The following TNRC6A variants were observed in gnomAD, a reference collection of about 807,000 sequenced individuals.
The protein encoded by TNRC6A is trinucleotide repeat containing adaptor 6A.
A neutral mutation model predicts 221.2 loss-of-function variants in TNRC6A; 44 were observed. The observed-to-expected ratio is 0.20, with a 90% CI of 0.16 to 0.26. TNRC6A has a LOEUF of 0.26. Ranked by LOEUF, TNRC6A falls within the 10% of genes least tolerant of loss-of-function variation. The probability of loss-of-function intolerance (pLI) is 1.00; values close to 1 mark genes in which losing one functional copy is unlikely to be tolerated. For synonymous variants in TNRC6A, 847 were observed against 838.5 expected (o/e 1.01, Z -0.18); for missense variants, 2,199 against 2,404.4 (o/e 0.91, Z 1.79).
chr16:24,810,982 T>C (rs566517292), intron 18 of TNRC6A, among the ~76,000 whole-genome samples: 104 of 149,420 alleles, frequency 7.0e-4, no homozygotes, highest in African/African-American at 2.5e-3. Flanking sequence ...TCTCCAGCCC[T>C]CTCCAGACAG....
intron 2 of TNRC6A, among the ~76,000 whole-genome samples, chr16:24,679,328 G>A (rs1383287848): frequency 6.7e-6 from 1 of 149,980 alleles, no homozygotes; most frequent in East Asian, 2.0e-4. Flanking sequence ...TCTTGAGACA[G>A]GGTCTCTCTC....
chr16:24,652,313 T>G (rs146178846), intron 2 of TNRC6A, among the ~76,000 whole-genome samples: 1 of 152,200 alleles, frequency 6.6e-6, no homozygotes, highest in East Asian at 1.9e-4. Flanking sequence ...GCTAGATAAG[T>G]GTTATCCCAT....
At chr16:24,621,333 C>T (rs1040913298) in intron 1 of TNRC6A, among the ~76,000 whole-genome samples, 5 of 143,024 alleles carry the variant, frequency 3.5e-5, no homozygotes, top group African/African-American at 1.3e-4. Flanking sequence ...AATTCAGTTA[C>T]TAGAATATGG....
rs755455386 is a variant in TNRC6A, at chr16:24,796,007, CATTT to C, written c.3561+74_3561+77del. Reference sequence around the variant, plus strand: ...AAAATCTTTAGAAAGCAACTGCAAACATTTATTTAGCCTCTGCTGTGTGCCAGGT... The same window carrying C: ...AAAATCTTTAGAAAGCAACTGCAAACATTTAGCCTCTGCTGTGTGCCAGGT... On this transcript the variant is annotated intron_variant, in intron 9 of 24. Coordinates refer to ENST00000395799, the MANE Select transcript of TNRC6A (RefSeq NM_014494.4). 26 of 1,543,400 alleles carry C rather than the reference CATTT, an allele frequency of 1.7e-5. No homozygotes were observed. In the African/African-American group the frequency reaches 2.0e-4, roughly 12 times the overall value.
intron 2 of TNRC6A, among the ~76,000 whole-genome samples, chr16:24,722,104 A>G (rs1187974800): frequency 1.3e-5 from 2 of 152,158 alleles, no homozygotes; most frequent in Non-Finnish European, 2.9e-5. Context: ...GGGCATATTT[A>G]TTGGTCAAAA....
chr16:24,780,801 A>G (rs1317674600), intron 5 of TNRC6A, among the ~76,000 whole-genome samples: 2 of 151,900 alleles, frequency 1.3e-5, no homozygotes, highest in African/African-American at 4.8e-5. Flanking sequence ...ATAATGGTGA[A>G]TGACCAATAA....
At chr16:24,664,395 ATAT>A (rs2055100713) in intron 2 of TNRC6A, among the ~76,000 whole-genome samples, 1 of 146,698 alleles carries the variant, frequency 6.8e-6, no homozygotes, top group Non-Finnish European at 1.5e-5. Flanking sequence ...TAATAAATTC[ATAT>A]TATAAATTTA....
chr16:24,813,270 G>A (rs890381875), intron 18 of TNRC6A, among the ~76,000 whole-genome samples: 2 of 152,000 alleles, frequency 1.3e-5, no homozygotes, highest in Non-Finnish European at 2.9e-5. Flanking sequence ...GTGGAGATTG[G>A]GCTTCCAGTA....
chr16:24,749,967 C>T (rs2057099704), intron 2 of TNRC6A, among the ~76,000 whole-genome samples: 1 of 152,078 alleles, frequency 6.6e-6, no homozygotes, highest in African/African-American at 2.4e-5. Flanking sequence ...TGGTGAAACC[C>T]CGTCTGTACT....
chr16:24,675,188 T>C (rs1354258739), intron 2 of TNRC6A, among the ~76,000 whole-genome samples: 1 of 152,098 alleles, frequency 6.6e-6, no homozygotes, highest in Non-Finnish European at 1.5e-5. Context: ...TTTTATGTAA[T>C]TTTATAATCC....
At chr16:24,648,345 C>A (rs911424338) in intron 2 of TNRC6A, among the ~76,000 whole-genome samples, 3 of 142,354 alleles carry the variant, frequency 2.1e-5, no homozygotes, top group Non-Finnish European at 4.5e-5. Context: ...AATCTTGGCT[C>A]ACTGCAACCT....
At chr16:24,729,459 C>T (rs1192983225), upstream of TNRC6A, among the ~76,000 whole-genome samples, 1 of 151,696 alleles carries the variant, frequency 6.6e-6, no homozygotes, top group Non-Finnish European at 1.5e-5. Flanking sequence ...CTCGGGACTC[C>T]GCAGGCCCCC....
intron 4 of TNRC6A, among the ~76,000 whole-genome samples, chr16:24,759,949 C>CT: frequency 6.6e-6 from 1 of 152,234 alleles, no homozygotes; most frequent in African/African-American, 2.4e-5. Flanking sequence ...TCCTAAAACT[C>CT]TATTTTCCCC....
intron 2 of TNRC6A, chr16:24,664,742 A>T (rs1490830628): frequency 9.8e-6 from 3 of 305,370 alleles, no homozygotes; most frequent in Non-Finnish European, 2.1e-5. Flanking sequence ...ACTCTTGTGT[A>T]TAGGGTGCCT....
chr16:24,635,980 T>C (rs1178437233), intron 1 of TNRC6A, among the ~76,000 whole-genome samples: 1 of 152,234 alleles, frequency 6.6e-6, no homozygotes, highest in Non-Finnish European at 1.5e-5. Flanking sequence ...CCTTAATTCA[T>C]TACATATTTA....
upstream of TNRC6A, among the ~76,000 whole-genome samples, chr16:24,725,186 T>C (rs2056471099): frequency 6.6e-6 from 1 of 152,194 alleles, no homozygotes; most frequent in Non-Finnish European, 1.5e-5. Context: ...TATTTATTTA[T>C]TGAGAAAAGG....
At chr16:24,630,404 G>A (rs1047582604) in intron 1 of TNRC6A, among the ~76,000 whole-genome samples, 5 of 152,002 alleles carry the variant, frequency 3.3e-5, no homozygotes, top group African/African-American at 1.2e-4. Context: ...TGGCTAACAT[G>A]TGTAATCCCA....
In TNRC6A at chr16:24,663,448, T is replaced by TG. The variant is rs1328985369; in HGVS notation, n.402+22442dup. The TG allele has an allele frequency of 2.6e-5, 4 of 155,774 alleles. No individual in the cohort carries two copies. The East Asian group carries it at 7.5e-4, about 29-fold the overall frequency. 9.6% of individuals were successfully genotyped at this position (155,774 alleles called of 1,614,324 possible). On this transcript the variant is annotated intron_variant and non_coding_transcript_variant, in intron 2 of 2. Transcript: ENST00000566108. ...GTTGGCACCTGTAATCCCAGCTCCTTGGGAGGCTGAAGCAGAAGAATCACG... is the reference window on the plus strand; with the variant it reads ...GTTGGCACCTGTAATCCCAGCTCCTTGGGGAGGCTGAAGCAGAAGAATCACG...
intron 3 of TNRC6A, among the ~76,000 whole-genome samples, chr16:24,752,167 G>T (rs1394272542): frequency 6.6e-6 from 1 of 152,116 alleles, no homozygotes; most frequent in African/African-American, 2.4e-5. Context: ...TTTAGAGGGG[G>T]TAGATACCAG....
Sources: allele counts gnomAD v4.1 joint callset (sites outside exome capture counted in the v4.1 genomes callset), GRCh38; gene constraint gnomAD v4.1.1; transcripts MANE v1.5; gene names NCBI Gene and HGNC (gene_info 2026-07-23, HGNC 2026-07-21).